Variants in AGBL4 observed in about 807,000 individuals in gnomAD.
The protein encoded by AGBL4 is cytosolic carboxypeptidase 6.
AGBL4 carries 58 observed loss-of-function variants against 66.4 expected under a neutral mutation model. The observed-to-expected ratio is 0.87, with a 90% CI of 0.71 to 1.09. The LOEUF (loss-of-function observed/expected upper bound fraction) is 1.09, where lower values mean the gene tolerates loss of function less well. Ranked by LOEUF, AGBL4 falls within the 50% of genes least tolerant of loss-of-function variation. AGBL4 has a pLI of 0.00. For missense variants in AGBL4, 579 were observed against 631.0 expected, an observed-to-expected ratio of 0.92 and a Z score of 0.88; for synonymous variants, 234 against 222.9, an observed-to-expected ratio of 1.05 and a Z score of -0.44.
chr1:48,547,387 A>T (rs1295027578), intron 11 of AGBL4, among the ~76,000 whole-genome samples: 1 of 152,048 alleles, frequency 6.6e-6, no homozygotes, highest in Non-Finnish European at 1.5e-5. Context: ...ACCTGCTTCC[A>T]AGTTGGATGT....
chr1:48,720,113 A>T (rs954251559), intron 6 of AGBL4, among the ~76,000 whole-genome samples: 1 of 152,146 alleles, frequency 6.6e-6, no homozygotes, highest in Admixed American at 6.5e-5. Context: ...TTCTAGGGAG[A>T]GGTCCATGCC....
intron 2 of AGBL4, among the ~76,000 whole-genome samples, chr1:49,803,526 A>C (rs1427425272): frequency 2.0e-5 from 3 of 152,196 alleles, no homozygotes; most frequent in African/African-American, 4.8e-5. Flanking sequence ...ATTGAAATTA[A>C]ATAGAATTTT....
At chr1:48,875,895 T>C (rs77538350) in intron 5 of AGBL4, among the ~76,000 whole-genome samples, 2,035 of 152,270 alleles carry the variant, frequency 0.013, 17 homozygotes, top group Non-Finnish European at 0.02. Flanking sequence ...CCATACTGAT[T>C]GCCTCTGAAG....
intron 11 of AGBL4, among the ~76,000 whole-genome samples, chr1:48,543,616 G>T (rs759871330): frequency 2.0e-4 from 31 of 152,188 alleles, no homozygotes; most frequent in Admixed American, 3.3e-4. Context: ...CCTTCCTTCA[G>T]TGCTGTCTAG....
intron 6 of AGBL4, among the ~76,000 whole-genome samples, chr1:48,843,839 G>A (rs1260211986): frequency 1.3e-5 from 2 of 152,058 alleles, no homozygotes; most frequent in Non-Finnish European, 2.9e-5. Flanking sequence ...CCTCCATGCT[G>A]AGAACTTTTC....
chr1:48,970,320 C>G (rs540050764), intron 5 of AGBL4, among the ~76,000 whole-genome samples: 1 of 152,148 alleles, frequency 6.6e-6, no homozygotes, highest in African/African-American at 2.4e-5. Context: ...TGACAAAATT[C>G]CAGATCCCCA....
chr1:48,989,963 C>T (rs1272834209), intron 5 of AGBL4, among the ~76,000 whole-genome samples: 1 of 152,140 alleles, frequency 6.6e-6, no homozygotes, highest in East Asian at 1.9e-4. Context: ...CCAAACTGTT[C>T]TCCATAGTGG....
chr1:49,005,677 T>C (rs1232624510), intron 5 of AGBL4, among the ~76,000 whole-genome samples: 2 of 152,172 alleles, frequency 1.3e-5, no homozygotes, highest in African/African-American at 4.8e-5. Context: ...GGAAAAAACA[T>C]AGTATATATA....
At chr1:49,948,009 A>T (rs1323257299) in intron 1 of AGBL4, among the ~76,000 whole-genome samples, 117 of 31,626 alleles carry the variant, frequency 3.7e-3, no homozygotes, top group African/African-American at 0.028. Flanking sequence ...AATATATATA[A>T]ATATATAAAT....
chr1:49,639,070 G>C (rs979503684), intron 3 of AGBL4, among the ~76,000 whole-genome samples: 1 of 152,122 alleles, frequency 6.6e-6, no homozygotes, highest in African/African-American at 2.4e-5. Flanking sequence ...GGATCATCAG[G>C]GGGTAGCAGC....
At chr1:49,086,760 G>A (rs1250351753) in intron 4 of AGBL4, among the ~76,000 whole-genome samples, 1 of 152,062 alleles carries the variant, frequency 6.6e-6, no homozygotes, top group Non-Finnish European at 1.5e-5. Context: ...CCTGAACTCT[G>A]TGGGAAGGCA....
At chr1:48,776,924 G>C (rs1319570711) in intron 6 of AGBL4, 2 of 656,622 alleles carry the variant, frequency 3.0e-6, no homozygotes, top group Non-Finnish European at 4.7e-6. Context: ...GTCTCGCTAC[G>C]GTGCTGGGGG....
At chr1:49,387,516 T>C (rs1036440519) in intron 3 of AGBL4, among the ~76,000 whole-genome samples, 2 of 151,822 alleles carry the variant, frequency 1.3e-5, no homozygotes, top group East Asian at 1.9e-4. Context: ...CTTTTCACCA[T>C]GTATGATTCC....
chr1:49,826,556 C>A (rs754352914), intron 2 of AGBL4, among the ~76,000 whole-genome samples: 2 of 152,194 alleles, frequency 1.3e-5, no homozygotes, highest in Non-Finnish European at 2.9e-5. Context: ...ATCAGGTTTT[C>A]ATGATCTCCT....
intron 5 of AGBL4, among the ~76,000 whole-genome samples, chr1:48,948,690 T>C (rs1656720100): frequency 6.6e-6 from 1 of 152,220 alleles, no homozygotes; most frequent in African/African-American, 2.4e-5. Context: ...AATGATGCCT[T>C]TTCTGAGGAA....
chr1:49,344,448 T>C (rs991273973), intron 3 of AGBL4, among the ~76,000 whole-genome samples: 1 of 152,144 alleles, frequency 6.6e-6, no homozygotes, highest in Admixed American at 6.5e-5. Context: ...GCTTAAAGGA[T>C]TGTTTTAAGT....
At chr1:49,210,677 G>A (rs1044999203) in intron 4 of AGBL4, among the ~76,000 whole-genome samples, 1 of 151,860 alleles carries the variant, frequency 6.6e-6, no homozygotes, top group African/African-American at 2.4e-5. Flanking sequence ...AACAGCCACA[G>A]GCAAAAAGTC....
chr1:49,287,937 C>T (rs1488944792), intron 3 of AGBL4, among the ~76,000 whole-genome samples: 1 of 136,214 alleles, frequency 7.3e-6, no homozygotes, highest in African/African-American at 2.8e-5. Context: ...CGGCATTATT[C>T]ACAATAGCAA....
chr1:48,892,096 G>A (rs1196445408), intron 5 of AGBL4, among the ~76,000 whole-genome samples: 1 of 152,060 alleles, frequency 6.6e-6, no homozygotes, highest in Non-Finnish European at 1.5e-5. Flanking sequence ...CTCTCCAAAA[G>A]TTCTAAGGAG....
Sources: allele counts gnomAD v4.1 joint callset (sites outside exome capture counted in the v4.1 genomes callset), GRCh38; gene constraint gnomAD v4.1.1; transcripts MANE v1.5; gene names NCBI Gene and HGNC (gene_info 2026-07-23, HGNC 2026-07-21).